Variants in NEO1 observed in about 807,000 individuals in gnomAD.
NEO1 encodes the protein neogenin 1, also known as neogenin.
NEO1 carries 63 observed loss-of-function variants against 159.7 expected under a neutral mutation model. The observed-to-expected ratio is 0.39, with a 90% confidence interval of 0.32 to 0.49. NEO1 has a LOEUF of 0.49. Among genes scored for constraint, NEO1 ranks in the 20% least tolerant of loss-of-function variants. The probability of loss-of-function intolerance (pLI) is 0.85; values close to 1 mark genes in which losing one functional copy is unlikely to be tolerated. For missense variants in NEO1, 1,615 were observed against 1,831.0 expected (o/e 0.88, Z 2.15); for synonymous variants, 633 against 662.0 (o/e 0.96, Z 0.67).
At chr15:73,101,647 G>T (rs1366342789) in intron 1 of NEO1, among the ~76,000 whole-genome samples, 1 of 152,128 alleles carries the variant, frequency 6.6e-6, no homozygotes, top group Non-Finnish European at 1.5e-5. Context: ...TCTCTCAAGG[G>T]TCATAGTCCT....
At chr15:73,244,979 A>AAAAAAAAAAAAC (rs2039703492) in intron 9 of NEO1, among the ~76,000 whole-genome samples, 1 of 141,190 alleles carries the variant, frequency 7.1e-6, no homozygotes, top group Non-Finnish European at 1.6e-5. Context: ...AAAAAAAAAA[A>AAAAAAAAAAAAC]AAAACAACAG....
intron 7 of NEO1, among the ~76,000 whole-genome samples, chr15:73,200,412 C>T (rs1164139368): frequency 6.7e-6 from 1 of 148,864 alleles, no homozygotes; most frequent in Non-Finnish European, 1.5e-5. Flanking sequence ...AAACTCCTGT[C>T]TCTACCAAAA....
chr15:73,134,316 C>T (rs376805506), intron 4 of NEO1, among the ~76,000 whole-genome samples: 7 of 152,166 alleles, frequency 4.6e-5, no homozygotes, highest in East Asian at 1.9e-4. Flanking sequence ...AAAGGTTAGT[C>T]ATGACCTTGC....
At chr15:73,223,657 T>A (rs1229553890) in intron 7 of NEO1, among the ~76,000 whole-genome samples, 1 of 152,214 alleles carries the variant, frequency 6.6e-6, no homozygotes, top group Non-Finnish European at 1.5e-5. Context: ...CCCCTTTAAG[T>A]TCATATGAGT....
Position 73,282,997 on chromosome 15 carries a change from C to T in NEO1, c.3296C>T (p.Pro1099Leu). Reference protein sequence around the residue: ...SNSPHGSPTSPLDSNMLLVII... With the variant: ...SNSPHGSPTSLLDSNMLLVII... ...AGCCCTCATGGGAGCCCCACCTCTC[C>T]TCTGGACAGTAATATGCTGCTGGTC... The change falls in exon 23 of 29, where the codon CCT (proline) becomes CTT (leucine). Residue 1099 changes from proline (P) to leucine (L), a missense_variant. This residue lies in a region of NEO1 where 471 missense variants were observed against 498.9 expected (regional missense o/e 0.94). Coordinates refer to ENST00000261908, the MANE Select transcript of NEO1 (RefSeq NM_002499.4). 1 of 1,614,216 alleles carries T rather than the reference C, an allele frequency of 6.2e-7. No individual in the cohort carries two copies. The highest frequency in any genetic ancestry group is 1.1e-5 in the South Asian group (1 of 91,082).
chr15:73,146,016 T>G (rs909013578), intron 5 of NEO1, among the ~76,000 whole-genome samples: 5 of 152,150 alleles, frequency 3.3e-5, no homozygotes, highest in Admixed American at 3.3e-4. Context: ...CACTTCTGCC[T>G]AGAATGTTCC....
At chr15:73,055,152 C>G (rs1408541678) in intron 1 of NEO1, among the ~76,000 whole-genome samples, 3 of 152,048 alleles carry the variant, frequency 2.0e-5, no homozygotes, top group Non-Finnish European at 2.9e-5. Flanking sequence ...ATCTGGTATT[C>G]TGAAAAAGGG....
At chr15:73,117,639 C>T (rs571140992) in intron 2 of NEO1, among the ~76,000 whole-genome samples, 2 of 152,310 alleles carry the variant, frequency 1.3e-5, no homozygotes, top group Non-Finnish European at 1.5e-5. Flanking sequence ...CCATCTCATT[C>T]CTACTCCAGG....
chr15:73,072,865 G>A (rs1277467338), intron 1 of NEO1, among the ~76,000 whole-genome samples: 1 of 152,164 alleles, frequency 6.6e-6, no homozygotes, highest in Admixed American at 6.5e-5. Context: ...AGAATTTGGT[G>A]ATGGATTGGA....
intron 7 of NEO1, among the ~76,000 whole-genome samples, chr15:73,214,619 T>C (rs2037772387): frequency 6.6e-6 from 1 of 152,202 alleles, no homozygotes; most frequent in South Asian, 2.1e-4. Flanking sequence ...TCTATTCTGT[T>C]CCATTGGTCT....
At chr15:73,163,413 A>G (rs2151896578) in intron 5 of NEO1, among the ~76,000 whole-genome samples, 1 of 152,190 alleles carries the variant, frequency 6.6e-6, no homozygotes, top group Middle Eastern at 3.4e-3. Flanking sequence ...GATGACTGTT[A>G]TTAGTTTAGT....
At chr15:73,146,405 C>G (rs2032902025) in intron 5 of NEO1, among the ~76,000 whole-genome samples, 1 of 152,146 alleles carries the variant, frequency 6.6e-6, no homozygotes, top group African/African-American at 2.4e-5. Flanking sequence ...TATCTGTATT[C>G]AGAATATTTC....
Position 73,138,147 on chromosome 15 carries a change from G to A in NEO1, c.1015+2120G>A, listed in dbSNP as rs577817797. On this transcript the variant is annotated intron_variant, in intron 5 of 28. Coordinates refer to ENST00000261908, the MANE Select transcript of NEO1 (RefSeq NM_002499.4). ...AATGTATAATTATATATACAGTAAC[G>A]TATAATATCAAAGACAAAAAAATTC... Among the ~76,000 whole-genome samples, 46 of 151,346 alleles carry A rather than the reference G, an allele frequency of 3.0e-4. 3 individuals are homozygous for A. The South Asian group carries it at 9.1e-3, about 30-fold the overall frequency.
At position 73,214,612 on chromosome 15, in the gene NEO1, A is replaced by G. The variant is rs138867191; in HGVS notation, c.1292-21735A>G. The stretch of plus-strand genomic sequence containing the variant: ...ATTTGGGTTTGTTTCCAGGTTCTCT[A>G]TTCTGTTCCATTGGTCTGTGTGCCT... On this transcript the variant is annotated intron_variant, in intron 7 of 28. Transcript: ENST00000261908. Among the ~76,000 whole-genome samples, 14 of 152,234 alleles carry G rather than the reference A, an allele frequency of 9.2e-5. No individual in the cohort carries two copies. In the East Asian group the frequency reaches 2.5e-3, roughly 27 times the overall value.
At chr15:73,249,286 T>C in intron 10 of NEO1, 78 bp downstream of exon 10, 2 of 1,464,994 alleles carry the variant, frequency 1.4e-6, no homozygotes, top group South Asian at 2.5e-5. Flanking sequence ...CAGTAGTTGC[T>C]TGACTGGAAA....
chr15:73,070,726 A>G (rs1308322431), intron 1 of NEO1, among the ~76,000 whole-genome samples: 1 of 152,198 alleles, frequency 6.6e-6, no homozygotes, highest in Non-Finnish European at 1.5e-5. Flanking sequence ...AGATATTAAT[A>G]ATAACTAGAA....
At chr15:73,227,742 G>A (rs2038673256) in intron 7 of NEO1, among the ~76,000 whole-genome samples, 1 of 152,146 alleles carries the variant, frequency 6.6e-6, no homozygotes, top group Non-Finnish European at 1.5e-5. Flanking sequence ...GATTTACATG[G>A]TGTTTACATA....
intron 5 of NEO1, among the ~76,000 whole-genome samples, chr15:73,139,436 A>G (rs996285083): frequency 1.7e-4 from 26 of 152,236 alleles, no homozygotes; most frequent in African/African-American, 6.0e-4. Context: ...AAACAGAAGA[A>G]GAAAATGATA....
chr15:73,292,506 T>C (rs1467526580), intron 25 of NEO1, among the ~76,000 whole-genome samples: 3 of 152,242 alleles, frequency 2.0e-5, no homozygotes, highest in African/African-American at 7.2e-5. Flanking sequence ...ATTCTCAGAC[T>C]CTGGGCTTCT....
Sources: gnomAD v4.1 joint callset for allele counts (sites outside exome capture counted in the v4.1 genomes callset) on GRCh38, gnomAD v4.1.1 for gene constraint, gnomAD v4.1.1 regional missense constraint, MANE v1.5 for transcripts, NCBI Gene and HGNC (gene_info 2026-07-23, HGNC 2026-07-21) for gene names.